PUS1: variants seen among roughly 807,000 people sequenced by gnomAD.
PUS1 encodes pseudouridylate synthase 1 homolog.
PUS1 carries 25 observed loss-of-function variants against 38.5 expected under a neutral mutation model. The ratio of observed to expected loss-of-function variants is 0.65; its 90% CI spans 0.47 to 0.91. PUS1 has a LOEUF of 0.91. Ranked by LOEUF, PUS1 falls within the 40% of genes least tolerant of loss-of-function variation. PUS1 has a pLI of 0.00. For synonymous variants in PUS1, 282 were observed against 260.4 expected, an observed-to-expected ratio of 1.08 and a Z score of -0.80; for missense variants, 597 against 612.3, an observed-to-expected ratio of 0.97 and a Z score of 0.26.
At chr12:131,942,907 A>G (rs1423625427) in intron 5 of PUS1, among the ~76,000 whole-genome samples, 1 of 152,210 alleles carries the variant, frequency 6.6e-6, no homozygotes, top group African/African-American at 2.4e-5. Context: ...GAGCCGTCCT[A>G]TAGATGGGGC....
Position 131,930,091 on chromosome 12 carries a change from G to GTGC in PUS1, c.264_266dup (p.Leu89dup), listed in dbSNP as rs1257476967. The GTGC allele has an allele frequency of 2.8e-6, 4 of 1,445,774 alleles. No homozygotes were observed. Among genetic ancestry groups the GTGC allele is most frequent in the Non-Finnish European group, 3.6e-6 (4 of 1,101,340 alleles). 89.6% of individuals were successfully genotyped at this position (1,445,774 alleles called of 1,614,324 possible). A position where few individuals can be genotyped will look rare whatever the true frequency, so the allele number is the denominator to read the frequency against. On this transcript the variant is annotated inframe_insertion, in exon 2 of 6. Transcript: ENST00000376649. ...CGAGAAGCCGCCCAAGCGGAAGATC[G>GTGC]TGCTGCTCATGGCCTATTCGGGCAA...
intron 2 of PUS1, chr12:131,931,883 G>A: frequency 5.0e-6 from 3 of 597,386 alleles, no homozygotes; most frequent in South Asian, 4.0e-5. Context: ...TAGCACCCAC[G>A]GCACTGATTT....
intron 5 of PUS1, among the ~76,000 whole-genome samples, chr12:131,942,552 G>A (rs555602010): frequency 2.6e-4 from 39 of 152,112 alleles, no homozygotes; most frequent in East Asian, 5.8e-4. Context: ...GACTACAGGC[G>A]CCCACCACCA....
Position 131,939,246 on chromosome 12 carries a change from G to T in PUS1, c.515G>T (p.Ser172Ile), listed in dbSNP as rs769737909. 5 of 1,559,390 alleles carry T rather than the reference G, an allele frequency of 3.2e-6. No individual in the cohort carries two copies. Among genetic ancestry groups the T allele is most frequent in the Admixed American group, 1.9e-5 (1 of 53,094 alleles). Residue 172 changes from serine to isoleucine, a missense_variant, in exon 4 of 6, where the codon AGC becomes ATC. Transcript: ENST00000376649. ...GACGACATTCTAGAAAAGATCAACAGCCACCTTCCCTCTCACATTCGGATT... is the reference window on the plus strand; with the variant it reads ...GACGACATTCTAGAAAAGATCAACATCCACCTTCCCTCTCACATTCGGATT... ...LIDDILEKINSHLPSHIRILG... is the reference protein window; with the variant it reads ...LIDDILEKINIHLPSHIRILG...
intron 2 of PUS1, 41 bp from the exon 3 acceptor site, chr12:131,932,134 G>A (rs1358054537): frequency 6.3e-7 from 1 of 1,597,350 alleles, no homozygotes; most frequent in African/African-American, 1.3e-5. Flanking sequence ...GGCGACCTCT[G>A]TCTGCAAAAT....
At chr12:131,935,980 G>A (rs1366170360) in intron 3 of PUS1, among the ~76,000 whole-genome samples, 1 of 152,058 alleles carries the variant, frequency 6.6e-6, no homozygotes, top group Non-Finnish European at 1.5e-5. Flanking sequence ...GGAGTCCAAG[G>A]CGGGCGGATC....
rs886049089 is a variant in PUS1 at position 131,929,457 on chromosome 12, G to C, written c.-266G>C. The C allele has an allele frequency of 1.2e-5, 5 of 420,612 alleles. No individual in the cohort carries two copies. The highest frequency in any genetic ancestry group is 2.1e-5 in the Non-Finnish European group (5 of 238,338). 26.1% of individuals were successfully genotyped at this position (420,612 alleles called of 1,614,324 possible). On this transcript the variant is annotated 5_prime_UTR_variant, in exon 1 of 6. Transcript: ENST00000376649. ...AGTTGATCCGTCAGGGTCCCGGGGC[G>C]GTCTGGGGGCAGTAGAGACGGGGCT... is the stretch of plus-strand genomic sequence containing the variant.
intron 3 of PUS1, among the ~76,000 whole-genome samples, chr12:131,937,968 A>G (rs980540137): frequency 2.6e-5 from 4 of 152,082 alleles, no homozygotes; most frequent in African/African-American, 7.2e-5. Flanking sequence ...CACTCTATCA[A>G]CCTGATAGAG....
chr12:131,934,945 G>A (rs1480910719), intron 3 of PUS1: 2 of 152,238 alleles, frequency 1.3e-5, no homozygotes, highest in Admixed American at 1.3e-4. Flanking sequence ...GTTTCAAAAG[G>A]CACACAGATC....
At chr12:131,931,011 C>G (rs115525081) in intron 2 of PUS1, among the ~76,000 whole-genome samples, 1 of 152,164 alleles carries the variant, frequency 6.6e-6, no homozygotes, top group Non-Finnish European at 1.5e-5. Flanking sequence ...TGTGGCTTTG[C>G]GCAGTTCTGT....
intron 3 of PUS1, chr12:131,932,910 A>G (rs1017576332): frequency 2.5e-6 from 1 of 403,790 alleles, no homozygotes; most frequent in African/African-American, 2.1e-5. Flanking sequence ...AAAGAGGTTG[A>G]ATTGACTCAG....
At chr12:131,942,675 G>C (rs1478306046) in intron 5 of PUS1, among the ~76,000 whole-genome samples, 1 of 152,208 alleles carries the variant, frequency 6.6e-6, no homozygotes, top group Non-Finnish European at 1.5e-5. Context: ...CAAAGTGCTG[G>C]GATTACAGTC....
intron 5 of PUS1, 29 bp downstream of exon 5, chr12:131,942,012 C>T (rs1429884178): frequency 6.4e-7 from 1 of 1,572,542 alleles, no homozygotes; most frequent in African/African-American, 1.4e-5. Context: ...CAGTGCTCAG[C>T]AGAACACAGG....
chr12:131,930,953 G>A (rs1443183127), intron 2 of PUS1, among the ~76,000 whole-genome samples: 1 of 152,112 alleles, frequency 6.6e-6, no homozygotes, highest in Non-Finnish European at 1.5e-5. Context: ...GAGCCACTGC[G>A]ACTGGCCTCA....
intron 3 of PUS1, among the ~76,000 whole-genome samples, chr12:131,936,661 G>T (rs1031247692): frequency 1.3e-5 from 2 of 152,126 alleles, no homozygotes; most frequent in African/African-American, 2.4e-5. Flanking sequence ...GGCCAAAGTG[G>T]ACGGATCACT....
At chr12:131,933,137 C>T (rs1344782799) in intron 3 of PUS1, among the ~76,000 whole-genome samples, 4 of 151,280 alleles carry the variant, frequency 2.6e-5, no homozygotes, top group South Asian at 2.1e-4. Flanking sequence ...TGAGATTTGG[C>T]GGGGACACAG....
intron 3 of PUS1, chr12:131,932,966 G>A (rs1331661259): frequency 2.9e-6 from 1 of 340,692 alleles, no homozygotes; most frequent in East Asian, 9.6e-5. Context: ...ATGGCGGCAG[G>A]TGCGAGAGAG....
chr12:131,929,404 G>A lies in PUS1; in HGVS notation c.-319G>A. On this transcript the variant is annotated 5_prime_UTR_variant, in exon 1 of 6. Coordinates refer to ENST00000376649, the MANE Select transcript of PUS1 (RefSeq NM_025215.6). ...AGGTGAAGAGGCTGGGGAAGTCAGA[G>A]GTTAACCTGGGCGTCAGGGGACGTT... is the stretch of plus-strand genomic sequence containing the variant. 2.8e-6 allele frequency: 1 copy of A among 360,668 alleles called. No individual in the cohort carries two copies. Among genetic ancestry groups the A allele is most frequent in the Non-Finnish European group, 5.0e-6 (1 of 200,014 alleles). The allele number at this position is 360,668 out of a possible 1,614,324, so 22.3% of individuals were successfully genotyped here. A position where few individuals can be genotyped will look rare whatever the true frequency, so the allele number is the denominator to read the frequency against.
chr12:131,935,254 A>C (rs1187178728), intron 3 of PUS1, among the ~76,000 whole-genome samples: 2 of 152,048 alleles, frequency 1.3e-5, no homozygotes, highest in Admixed American at 1.3e-4. Context: ...GGTCTTAACT[A>C]TTTTCATTTT....
Sources: gnomAD v4.1 joint callset for allele counts (sites outside exome capture counted in the v4.1 genomes callset) on GRCh38, gnomAD v4.1.1 for gene constraint, MANE v1.5 for transcripts, NCBI Gene and HGNC (gene_info 2026-07-23, HGNC 2026-07-21) for gene names.